Variants in CLSTN2 observed in about 807,000 individuals in gnomAD.
CLSTN2 encodes the protein calsyntenin 2, also known as calsyntenin-2.
A neutral mutation model predicts 101.2 loss-of-function variants in CLSTN2; 48 were observed. That is an observed-to-expected ratio of 0.47 (90% CI 0.38 to 0.60). CLSTN2 has a LOEUF of 0.60. CLSTN2 is among the 20% of genes least tolerant of loss of function. CLSTN2 has a pLI of 0.00. For missense variants in CLSTN2, 1,160 were observed against 1,238.2 expected, an observed-to-expected ratio of 0.94 and a Z score of 0.95; for synonymous variants, 481 against 463.6, an observed-to-expected ratio of 1.04 and a Z score of -0.48.
intron 8 of CLSTN2, among the ~76,000 whole-genome samples, chr3:140,529,068 T>C (rs372729565): frequency 2.0e-5 from 3 of 152,210 alleles, no homozygotes; most frequent in Admixed American, 6.5e-5. Context: ...TGGCCACTTA[T>C]ATAACACTTG....
At chr3:140,436,130 G>A (rs2088685330) in intron 5 of CLSTN2, among the ~76,000 whole-genome samples, 1 of 151,874 alleles carries the variant, frequency 6.6e-6, no homozygotes, top group Non-Finnish European at 1.5e-5. Flanking sequence ...GTGCTTGTGG[G>A]GTGTTGCTCA....
At chr3:140,241,840 T>C (rs1288316713) in intron 2 of CLSTN2, among the ~76,000 whole-genome samples, 1 of 146,564 alleles carries the variant, frequency 6.8e-6, no homozygotes, top group Non-Finnish European at 1.5e-5. Flanking sequence ...CACATATATA[T>C]ATACATATAT....
At chr3:140,279,808 T>G (rs752658090) in intron 2 of CLSTN2, among the ~76,000 whole-genome samples, 2 of 152,222 alleles carry the variant, frequency 1.3e-5, no homozygotes, top group Non-Finnish European at 2.9e-5. Flanking sequence ...AAAATAGCCT[T>G]GTCCAAGATG....
intron 1 of CLSTN2, among the ~76,000 whole-genome samples, chr3:139,981,856 T>C (rs1576385336): frequency 6.6e-6 from 1 of 152,332 alleles, no homozygotes; most frequent in Middle Eastern, 3.4e-3. Context: ...AAAAGTGGAT[T>C]TCCACACTGG....
chr3:139,972,179 G>A (rs919841658), intron 1 of CLSTN2, among the ~76,000 whole-genome samples: 6 of 152,086 alleles, frequency 3.9e-5, no homozygotes, highest in Non-Finnish European at 4.4e-5. Context: ...CAGGAGAATC[G>A]CTTGAACCTG....
intron 8 of CLSTN2, among the ~76,000 whole-genome samples, chr3:140,518,040 CTG>C (rs1331632701): frequency 6.6e-6 from 1 of 152,120 alleles, no homozygotes; most frequent in Non-Finnish European, 1.5e-5. Context: ...GGAATTATGA[CTG>C]TCTCTCCTGT....
At chr3:140,339,317 C>G (rs114518864) in intron 2 of CLSTN2, among the ~76,000 whole-genome samples, 95 of 152,278 alleles carry the variant, frequency 6.2e-4, no homozygotes, top group African/African-American at 2.0e-3. Context: ...GATTCTCTCT[C>G]TCTCTCTCTC....
chr3:140,458,725 T>A (rs1055677430), intron 6 of CLSTN2, among the ~76,000 whole-genome samples: 1 of 152,184 alleles, frequency 6.6e-6, no homozygotes, highest in East Asian at 1.9e-4. Flanking sequence ...ACATGATAGC[T>A]AACACTGAGT....
intron 1 of CLSTN2, among the ~76,000 whole-genome samples, chr3:140,032,902 T>C (rs1261727155): frequency 6.6e-6 from 1 of 152,228 alleles, no homozygotes; most frequent in Admixed American, 6.5e-5. Context: ...GTGAGCAAAC[T>C]GAAAAGTGCT....
At chr3:140,041,452 T>C (rs1400367505) in intron 1 of CLSTN2, among the ~76,000 whole-genome samples, 1 of 152,226 alleles carries the variant, frequency 6.6e-6, no homozygotes, top group Non-Finnish European at 1.5e-5. Flanking sequence ...AGACCTTCAC[T>C]GAGGACAGTC....
chr3:140,154,882 G>A (rs947172341), intron 1 of CLSTN2, among the ~76,000 whole-genome samples: 2 of 151,910 alleles, frequency 1.3e-5, no homozygotes, highest in Non-Finnish European at 2.9e-5. Flanking sequence ...CTGACCTCGT[G>A]ATCCGCCCGC....
intron 1 of CLSTN2, among the ~76,000 whole-genome samples, chr3:139,969,010 T>A (rs1935649656): frequency 6.6e-6 from 1 of 151,976 alleles, no homozygotes; most frequent in Admixed American, 6.6e-5. Context: ...ACATGCAGAG[T>A]ATTAATAACA....
chr3:140,174,825 T>G lies in CLSTN2; in HGVS notation c.110-1126T>G, dbSNP rs558791111. 2.0e-5 allele frequency among the ~76,000 whole-genome samples: 3 copies of G among 152,228 alleles called. No individual in the cohort carries two copies. In the East Asian group the frequency reaches 5.8e-4, roughly 29 times the overall value. On this transcript the variant is annotated intron_variant, in intron 1 of 16. Transcript: ENST00000458420. The stretch of plus-strand genomic sequence containing the variant: ...ATGGGAGTACAATTCAAGATGAGAT[T>G]TGGATGGGAACACAGAGCCAAACCA...
rs187057759 is a variant in CLSTN2, at chr3:140,482,163, T to C, written c.1344+15432T>C. Among the ~76,000 whole-genome samples, 227 of 152,336 alleles carry C rather than the reference T, an allele frequency of 1.5e-3. 3 individuals are homozygous for C. The highest frequency in any genetic ancestry group is 7.3e-3 in the Admixed American group (111 of 15,304). ...ATTGAGAGTTTTCAGCATGAAGCGT[T>C]GTTGAATTTTGTCAAAGGCCTTTTC... On this transcript the variant is annotated intron_variant, in intron 8 of 16. Transcript: ENST00000458420.
At chr3:140,395,918 A>G (rs1356779460) in intron 2 of CLSTN2, among the ~76,000 whole-genome samples, 2 of 152,078 alleles carry the variant, frequency 1.3e-5, no homozygotes, top group African/African-American at 2.4e-5. Flanking sequence ...GTCTGGAGGG[A>G]CCTCACCAAT....
At chr3:140,415,506 A>AAAAAAAAAAG (rs2088421678) in intron 4 of CLSTN2, among the ~76,000 whole-genome samples, 1 of 151,074 alleles carries the variant, frequency 6.6e-6, no homozygotes, top group Non-Finnish European at 1.5e-5. Context: ...AAAAAAAAAA[A>AAAAAAAAAAG]AAAACAAACT....
At chr3:140,235,941 T>C (rs1040155925) in intron 2 of CLSTN2, among the ~76,000 whole-genome samples, 1 of 151,896 alleles carries the variant, frequency 6.6e-6, no homozygotes, top group African/African-American at 2.4e-5. Flanking sequence ...CTGGAGAAAA[T>C]AGGATGGTTT....
At chr3:140,049,796 A>G (rs7644192) in intron 1 of CLSTN2, among the ~76,000 whole-genome samples, 2,201 of 152,332 alleles carry the variant, frequency 0.014, 49 homozygotes, top group African/African-American at 0.048. Flanking sequence ...AAAGGTGATC[A>G]CAGTGTGGAG....
At chr3:140,473,975 C>T (rs978655402) in intron 8 of CLSTN2, among the ~76,000 whole-genome samples, 10 of 151,926 alleles carry the variant, frequency 6.6e-5, no homozygotes, top group African/African-American at 1.9e-4. Flanking sequence ...AAGGTTTCAC[C>T]GTGTTGGCCA....
Sources: allele counts gnomAD v4.1 joint callset (sites outside exome capture counted in the v4.1 genomes callset), GRCh38; gene constraint gnomAD v4.1.1; transcripts MANE v1.5; gene names NCBI Gene and HGNC (gene_info 2026-07-23, HGNC 2026-07-21).